The following ARMC3 variants were observed in gnomAD, a reference collection of about 807,000 sequenced individuals.
ARMC3 encodes armadillo repeat-containing protein 3.
A neutral mutation model predicts 90.3 loss-of-function variants in ARMC3; 74 were observed. The ratio of observed to expected loss-of-function variants is 0.82; its 90% CI spans 0.68 to 0.99. The LOEUF (loss-of-function observed/expected upper bound fraction) is 0.99. Ranked by LOEUF, ARMC3 falls within the 50% of genes least tolerant of loss-of-function variation. The pLI, the probability that ARMC3 is intolerant of heterozygous loss-of-function variation, is 0.00. For missense variants in ARMC3, 958 were observed against 1,042.8 expected (o/e 0.92, Z 1.12); for synonymous variants, 334 against 361.8 (o/e 0.92, Z 0.87).
chr10:22,985,609 G>A (rs1009446662), intron 10 of ARMC3, among the ~76,000 whole-genome samples: 4 of 152,080 alleles, frequency 2.6e-5, no homozygotes, highest in African/African-American at 9.7e-5. Flanking sequence ...CATAATTTTT[G>A]CTTCTCAGAG....
chr10:22,950,442 C>T (rs995944447), intron 3 of ARMC3, among the ~76,000 whole-genome samples: 3 of 151,898 alleles, frequency 2.0e-5, no homozygotes, highest in Non-Finnish European at 4.4e-5. Context: ...AAGATGTATA[C>T]TGCAACCCTA....
intron 3 of ARMC3, among the ~76,000 whole-genome samples, chr10:22,951,772 C>T (rs1834748529): frequency 6.6e-6 from 1 of 152,118 alleles, no homozygotes; most frequent in African/African-American, 2.4e-5. Flanking sequence ...GCACTAAATG[C>T]CTATACTGGA....
intron 15 of ARMC3, 30 bp from the exon 16 acceptor site, chr10:23,008,785 A>G (rs1457935589): frequency 1.3e-6 from 2 of 1,555,118 alleles, no homozygotes; most frequent in Non-Finnish European, 1.8e-6. Flanking sequence ...TATGATTGAA[A>G]TTGGTTGTGG....
chr10:22,959,004 T>G, intron 4 of ARMC3, 66 bp from the exon 5 acceptor site: 128 of 1,323,750 alleles, frequency 9.7e-5, no homozygotes, highest in Non-Finnish European at 1.2e-4. Context: ...ATTACAGGCA[T>G]GAGCCACCAC....
chr10:23,032,609 C>A (rs1401213908), intron 17 of ARMC3, among the ~76,000 whole-genome samples: 1 of 152,104 alleles, frequency 6.6e-6, no homozygotes, highest in Non-Finnish European at 1.5e-5. Context: ...TGGGAAAAAT[C>A]AGCACTCATT....
chr10:22,957,944 C>T (rs1835017186), intron 4 of ARMC3, among the ~76,000 whole-genome samples: 1 of 152,036 alleles, frequency 6.6e-6, no homozygotes, highest in Non-Finnish European at 1.5e-5. Flanking sequence ...CGCCTATAAT[C>T]CCAGCACTTT....
chr10:22,991,443 T>C (rs980936055), intron 10 of ARMC3, among the ~76,000 whole-genome samples: 11 of 152,036 alleles, frequency 7.2e-5, no homozygotes, highest in African/African-American at 2.7e-4. Flanking sequence ...TTTTTTTTTG[T>C]TTTTTCTTTT....
In ARMC3 at chr10:23,006,652, G is replaced by T. The variant is rs191475905; in HGVS notation, c.1732-232G>T. The T allele has an allele frequency of 9.1e-6, 4 of 441,082 alleles. No individual in the cohort carries two copies. In the East Asian group the frequency reaches 1.8e-4, roughly 20 times the overall value. The allele number at this position is 441,082 out of a possible 1,614,324, so 27.3% of individuals were successfully genotyped here. A position where few individuals can be genotyped will look rare whatever the true frequency, so the allele number is the denominator to read the frequency against. ...ATGATAATGATGGGATGAAACAGCCGAGTGTAAAGCAATCGAGATGATAAG... is the reference window on the plus strand; with the variant it reads ...ATGATAATGATGGGATGAAACAGCCTAGTGTAAAGCAATCGAGATGATAAG... On this transcript the variant is annotated intron_variant, in intron 13 of 18. Coordinates refer to ENST00000298032, the MANE Select transcript of ARMC3 (RefSeq NM_173081.5).
chr10:22,956,311 C>T (rs1834933228), intron 4 of ARMC3, among the ~76,000 whole-genome samples: 1 of 152,100 alleles, frequency 6.6e-6, no homozygotes, highest in African/African-American at 2.4e-5. Flanking sequence ...TTGATAAACT[C>T]TTTTTTTGAA....
At chr10:22,950,938 CTT>C (rs1192107878) in intron 3 of ARMC3, among the ~76,000 whole-genome samples, 18 of 137,014 alleles carry the variant, frequency 1.3e-4, no homozygotes, top group Admixed American at 1.5e-4. Flanking sequence ...TGTGAAAAAT[CTT>C]TTTTTTTTTT....
intron 12 of ARMC3, 55 bp downstream of exon 12, chr10:23,002,110 G>A (rs1317768602): frequency 3.6e-5 from 57 of 1,591,796 alleles, no homozygotes; most frequent in Non-Finnish European, 4.4e-5. Flanking sequence ...AAGACGGAGA[G>A]GCACACTCTT....
At chr10:22,981,248 T>A in intron 8 of ARMC3, 92 bp from the exon 9 acceptor site, 1 of 1,218,224 alleles carries the variant, frequency 8.2e-7, no homozygotes, top group Non-Finnish European at 1.1e-6. Context: ...CCAAATTGTT[T>A]GAATTCCTAT....
In ARMC3 at chr10:22,955,937, G is replaced by A; in HGVS notation, c.292+5G>A. 6.3e-7 allele frequency: 1 copy of A among 1,583,266 alleles called. No homozygotes were observed. ...TTGGAATCCTGGCTTCTAATAGTAA[G>A]TATCAACTTTTAAAAATAATCAAAT... On this transcript the variant is annotated splice_donor_5th_base_variant and intron_variant, in intron 4 of 18. Transcript: ENST00000298032.
intron 3 of ARMC3, among the ~76,000 whole-genome samples, chr10:22,954,731 C>A (rs1042153807): frequency 1.8e-4 from 28 of 151,484 alleles, no homozygotes; most frequent in Non-Finnish European, 1.3e-4. Flanking sequence ...CCCATAAACA[C>A]CCCTCCTCAA....
intron 10 of ARMC3, among the ~76,000 whole-genome samples, chr10:22,988,037 T>C (rs1018352075): frequency 2.6e-5 from 4 of 152,204 alleles, no homozygotes; most frequent in East Asian, 1.9e-4. Flanking sequence ...CACAAACAGA[T>C]AGAATGCCCC....
chr10:22,959,091 G>A lies in ARMC3; in HGVS notation c.314G>A (p.Arg105Lys), dbSNP rs769859277. The A allele has an allele frequency of 6.2e-7, 1 of 1,611,936 alleles. No individual in the cohort carries two copies. Among genetic ancestry groups the A allele is most frequent in the South Asian group, 1.1e-5 (1 of 91,036 alleles). The change falls in exon 5 of 19, where the codon AGG (arginine) becomes AAG (lysine). Residue 105 changes from arginine (R) to lysine (K), a missense_variant. By Grantham distance (26) the Arg-to-Lys change is conservative. Transcript: ENST00000298032. ...GTAGATGATGTTAAAAAATTGTTAAGGGAGTTAGATGTCATGAATTCTGTC... is the reference window on the plus strand; with the variant it reads ...GTAGATGATGTTAAAAAATTGTTAAAGGAGTTAGATGTCATGAATTCTGTC... ...ASNNDVKKLL[R>K]ELDVMNSVIA... is the part of the protein sequence containing the mutation.
chr10:23,012,585 C>G (rs544003643), intron 16 of ARMC3, among the ~76,000 whole-genome samples: 2 of 152,126 alleles, frequency 1.3e-5, no homozygotes, highest in African/African-American at 2.4e-5. Context: ...CTCCCTCCCC[C>G]TCTCTTCCCT....
intron 1 of ARMC3, among the ~76,000 whole-genome samples, chr10:22,930,853 C>T (rs1427696150): frequency 2.6e-5 from 4 of 152,146 alleles, no homozygotes; most frequent in African/African-American, 4.8e-5. Context: ...TGATGTCAAA[C>T]ATAATTCCAC....
chr10:22,994,973 T>C (rs1200939688), intron 10 of ARMC3, among the ~76,000 whole-genome samples: 4 of 152,270 alleles, frequency 2.6e-5, no homozygotes, highest in Non-Finnish European at 5.9e-5. Context: ...AAACTCCAAC[T>C]GGATGGAGAC....
Sources: gnomAD v4.1 joint callset for allele counts (sites outside exome capture counted in the v4.1 genomes callset) on GRCh38, gnomAD v4.1.1 for gene constraint, MANE v1.5 for transcripts, NCBI Gene and HGNC (gene_info 2026-07-23, HGNC 2026-07-21) for gene names.